The following TUSC3 variants were observed in gnomAD, a reference collection of about 807,000 sequenced individuals.
TUSC3 encodes the protein dolichyl-diphosphooligosaccharide--protein glycosyltransferase subunit TUSC3.
A neutral mutation model predicts 44.8 loss-of-function variants in TUSC3; 45 were observed. The ratio of observed to expected loss-of-function variants is 1.00; its 90% CI spans 0.79 to 1.29. TUSC3 has a LOEUF of 1.29. TUSC3 is among the 50% of genes most tolerant of loss of function. The probability of loss-of-function intolerance (pLI) is 0.00; values close to 1 mark genes in which losing one functional copy is unlikely to be tolerated. For missense variants in TUSC3, 519 were observed against 437.9 expected (o/e 1.19, Z -1.65); for synonymous variants, 212 against 152.9 (o/e 1.39, Z -2.85).
chr8:15,646,723 C>G (rs1806649790), intron 2 of TUSC3, among the ~76,000 whole-genome samples: 3 of 152,112 alleles, frequency 2.0e-5, no homozygotes, highest in African/African-American at 7.2e-5. Flanking sequence ...GATTTGCACA[C>G]AGGTAGGCTA....
intron 1 of TUSC3, among the ~76,000 whole-genome samples, chr8:15,597,136 C>T (rs184522566): frequency 6.6e-6 from 1 of 152,188 alleles, no homozygotes; most frequent in African/African-American, 2.4e-5. Context: ...TGAGGTAGCA[C>T]CTTGTCCAAG....
intron 6 of TUSC3, among the ~76,000 whole-genome samples, chr8:15,695,439 A>G (rs1158064467): frequency 2.0e-5 from 3 of 152,144 alleles, no homozygotes; most frequent in African/African-American, 7.2e-5. Flanking sequence ...AGTCACATGG[A>G]ACTGTAAGTC....
chr8:15,753,769 G>A (rs1330864803), intron 9 of TUSC3, among the ~76,000 whole-genome samples: 1 of 151,994 alleles, frequency 6.6e-6, no homozygotes, highest in African/African-American at 2.4e-5. Context: ...GAGATATATA[G>A]CAGAGATTTG....
chr8:15,575,826 T>C (rs1305356443), intron 1 of TUSC3, among the ~76,000 whole-genome samples: 2 of 152,140 alleles, frequency 1.3e-5, no homozygotes. Context: ...ATAGTTTATA[T>C]CATTTTTTTG....
At chr8:15,769,350 G>C (rs1302241049), downstream of TUSC3, among the ~76,000 whole-genome samples, 1 of 152,132 alleles carries the variant, frequency 6.6e-6, no homozygotes, top group East Asian at 1.9e-4. Context: ...TTTAATAAAT[G>C]GTGATGGGAA....
chr8:15,424,708 G>A (rs28489777), intron 1 of TUSC3, among the ~76,000 whole-genome samples: 23,886 of 151,854 alleles, frequency 0.16, 2,278 homozygotes, highest in African/African-American at 0.28. Context: ...GTGAAACCCC[G>A]TCTCTACTAA....
chr8:15,443,887 C>A (rs906721697), intron 1 of TUSC3, among the ~76,000 whole-genome samples: 1 of 152,068 alleles, frequency 6.6e-6, no homozygotes, highest in Admixed American at 6.5e-5. Flanking sequence ...GTGGCCCCCA[C>A]CCGGGAACTG....
At position 15,562,819 on chromosome 8, in the gene TUSC3, T is replaced by G. The variant is rs80211954; in HGVS notation, c.138+22251T>G. Among the ~76,000 whole-genome samples the G allele has an allele frequency of 4.5e-3, 685 of 152,266 alleles. 5 individuals are homozygous for G. The highest frequency in any genetic ancestry group is 0.016 in the African/African-American group (651 of 41,540). ...TTTATTCCAGATCACTAGGATCACT[T>G]TTGTGACACTTCTTTTAAAATGTTT... On this transcript the variant is annotated intron_variant, in intron 1 of 10. Coordinates refer to ENST00000503731, the MANE Select transcript of TUSC3 (RefSeq NM_006765.4).
chr8:15,670,239 A>G (rs761271765), intron 5 of TUSC3, among the ~76,000 whole-genome samples: 1 of 151,900 alleles, frequency 6.6e-6, no homozygotes, highest in Non-Finnish European at 1.5e-5. Flanking sequence ...ATTTTAGCAG[A>G]GGGTAATGAA....
rs564439908 is a variant in TUSC3 at position 15,653,396 on chromosome 8, T to C, written c.426+2582T>C. Among the ~76,000 whole-genome samples, 3 of 152,338 alleles carry C rather than the reference T, an allele frequency of 2.0e-5. No individual in the cohort carries two copies. The East Asian group carries it at 5.8e-4, about 29-fold the overall frequency. On this transcript the variant is annotated intron_variant, in intron 3 of 10. Coordinates refer to ENST00000503731, the MANE Select transcript of TUSC3 (RefSeq NM_006765.4). ...TTTTTTTTTAAAATCTTCTGTGATATTATTATCTTTGTGTTGAGTACTGAA... is the reference window on the plus strand; with the variant it reads ...TTTTTTTTTAAAATCTTCTGTGATACTATTATCTTTGTGTTGAGTACTGAA...
At chr8:15,550,636 C>G (rs1391442314) in intron 1 of TUSC3, among the ~76,000 whole-genome samples, 1 of 151,410 alleles carries the variant, frequency 6.6e-6, no homozygotes, top group African/African-American at 2.4e-5. Context: ...ATTCTTTCCT[C>G]TGTCTTTTTG....
At chr8:15,691,113 A>G (rs1245934462) in intron 6 of TUSC3, among the ~76,000 whole-genome samples, 2 of 151,942 alleles carry the variant, frequency 1.3e-5, no homozygotes, top group Non-Finnish European at 2.9e-5. Flanking sequence ...CATTTTAGCT[A>G]TAGTGATTCT....
chr8:15,788,796 CTCA>C, the TUSC3 span, among the ~76,000 whole-genome samples: 1 of 152,084 alleles, frequency 6.6e-6, no homozygotes, highest in Non-Finnish European at 1.5e-5. Context: ...TGCTAACATC[CTCA>C]TCATTTCACA....
chr8:15,485,027 C>G (rs1463710520), intron 2 of TUSC3, among the ~76,000 whole-genome samples: 1 of 152,036 alleles, frequency 6.6e-6, no homozygotes, highest in Non-Finnish European at 1.5e-5. Flanking sequence ...AATTGTCATC[C>G]TCTGCCCTAA....
At chr8:15,782,073 G>A in the TUSC3 span, among the ~76,000 whole-genome samples, 1 of 152,102 alleles carries the variant, frequency 6.6e-6, no homozygotes, top group Non-Finnish European at 1.5e-5. Flanking sequence ...AGGCAGAGGT[G>A]ACAGTGAGCC....
the TUSC3 span, among the ~76,000 whole-genome samples, chr8:15,835,750 G>A: frequency 5.3e-5 from 8 of 152,236 alleles, no homozygotes; most frequent in East Asian, 3.9e-4. Flanking sequence ...GTATGTGTGC[G>A]TTGTGGGGTT....
chr8:15,631,389 TTTCTATA>T (rs1805757895), intron 2 of TUSC3, among the ~76,000 whole-genome samples: 2 of 152,272 alleles, frequency 1.3e-5, no homozygotes, highest in Middle Eastern at 6.8e-3. Context: ...CTTGAATTCT[TTTCTATA>T]TTCTATAATT....
Position 15,516,160 on chromosome 8 carries a change from C to A in TUSC3, n.189+32677C>A, listed in dbSNP as rs190767020. On this transcript the variant is annotated intron_variant and non_coding_transcript_variant, in intron 2 of 5. Transcript: ENST00000503191. The stretch of plus-strand genomic sequence containing the variant: ...GGTTGAGTCAACTGAATTTGACTCA[C>A]CCTCATCTATTGTATCAGAGATACT... Among the ~76,000 whole-genome samples the A allele has an allele frequency of 3.0e-3, 457 of 152,198 alleles. 1 individual carries two copies. Among genetic ancestry groups the A allele is most frequent in the Non-Finnish European group, 5.0e-3 (339 of 68,012 alleles).
intron 1 of TUSC3, among the ~76,000 whole-genome samples, chr8:15,610,363 G>A (rs560878952): frequency 1.3e-5 from 2 of 152,116 alleles, no homozygotes; most frequent in South Asian, 4.2e-4. Context: ...TTGCTGCAAG[G>A]GAGTAGTTAA....
Sources: gnomAD v4.1 joint callset for allele counts (sites outside exome capture counted in the v4.1 genomes callset) on GRCh38, gnomAD v4.1.1 for gene constraint, MANE v1.5 for transcripts, NCBI Gene and HGNC (gene_info 2026-07-23, HGNC 2026-07-21) for gene names.